The following ZNF134 variants were observed in gnomAD, a reference collection of about 807,000 sequenced individuals.
ZNF134 encodes the protein zinc finger protein 134.
In ZNF134, 5 loss-of-function variants were observed where a neutral mutation model predicts 2.5. The observed-to-expected ratio is 2.03, with a 90% confidence interval of 1.06 to 4.27. The LOEUF (loss-of-function observed/expected upper bound fraction) is 4.27, where lower values mean the gene tolerates loss of function less well. Ranked by LOEUF, ZNF134 falls within the 30% of genes most tolerant of loss-of-function variation. ZNF134 has a pLI of 0.00. For missense variants in ZNF134, 540 were observed against 517.5 expected (o/e 1.04, Z -0.42); for synonymous variants, 176 against 176.2 (o/e 1.00, Z 0.01).
chr19:57,617,860 C>T (rs942665226), intron 1 of ZNF134, among the ~76,000 whole-genome samples: 7 of 152,098 alleles, frequency 4.6e-5, no homozygotes, highest in Non-Finnish European at 8.8e-5. Context: ...AGGCAGGTGG[C>T]AAAGCGTTCC....
In ZNF134 at chr19:57,621,013, A is replaced by G. The variant is rs767966323; in HGVS notation, c.894A>G (p.Arg298=). ...YKCSDCGKVF[R]HKSTLVQHES... ...GCAGTGATTGTGGGAAAGTCTTCAGACACAAATCTACACTTGTTCAGCATG... is the reference window on the plus strand; with the variant it reads ...GCAGTGATTGTGGGAAAGTCTTCAGGCACAAATCTACACTTGTTCAGCATG... Residue 298 remains arginine (R), a synonymous_variant, in exon 3 of 3, where the codon AGA becomes AGG. Coordinates refer to ENST00000396161, the MANE Select transcript of ZNF134 (RefSeq NM_003435.5). The G allele has an allele frequency of 6.2e-6, 10 of 1,614,014 alleles. No homozygotes were observed. In the South Asian group the frequency reaches 1.1e-4, roughly 18 times the overall value.
rs992653242 is a variant in ZNF134, at chr19:57,623,957, G to C, written c.*2554G>C. The C allele has an allele frequency of 3.9e-5, 6 of 152,186 alleles. No individual in the cohort carries two copies. The highest frequency in any genetic ancestry group is 7.3e-5 in the Non-Finnish European group (5 of 68,034). 9.4% of individuals were successfully genotyped at this position (152,186 alleles called of 1,614,324 possible). A position where few individuals can be genotyped will look rare whatever the true frequency, so the allele number is the denominator to read the frequency against. ...GAAAGTATGAAGTTAAAGGGTGTAG[G>C]CATGTAAAGTGTGAAGTTAAAGGTT... On this transcript the variant is annotated 3_prime_UTR_variant, in exon 3 of 3. Transcript: ENST00000396161.
Position 57,622,808 on chromosome 19 carries a change from A to G in ZNF134, c.*1405A>G, listed in dbSNP as rs1288154312. ...GTGATAAGAGTCACCATAGTGAGGT[A>G]GAGTCACTCTTAGTGATGTCCAGTT... On this transcript the variant is annotated 3_prime_UTR_variant, in exon 3 of 3. Coordinates refer to ENST00000396161, the MANE Select transcript of ZNF134 (RefSeq NM_003435.5). The G allele has an allele frequency of 6.6e-6, 1 of 152,190 alleles. No individual in the cohort carries two copies. Among genetic ancestry groups the G allele is most frequent in the East Asian group, 1.9e-4 (1 of 5,200 alleles). 9.4% of individuals were successfully genotyped at this position (152,190 alleles called of 1,614,324 possible).
chr19:57,622,992 CA>C lies in ZNF134; in HGVS notation c.*1590del, dbSNP rs1981272485. Reference sequence around the variant, plus strand: ...ACACACACACACACACACACACACACACACTTGAAACTATCACCCTATCAGT... The same window carrying C: ...ACACACACACACACACACACACACACCACTTGAAACTATCACCCTATCAGT... On this transcript the variant is annotated 3_prime_UTR_variant, in exon 3 of 3. Transcript: ENST00000396161. 1 of 145,216 alleles carries C rather than the reference CA, an allele frequency of 6.9e-6. No homozygotes were observed. Among genetic ancestry groups the C allele is most frequent in the South Asian group, 2.2e-4 (1 of 4,576 alleles). 9.0% of individuals were successfully genotyped at this position (145,216 alleles called of 1,614,324 possible). A position where few individuals can be genotyped will look rare whatever the true frequency, so the allele number is the denominator to read the frequency against.
At position 57,622,636 on chromosome 19, in the gene ZNF134, G is replaced by A. The variant is rs149674382; in HGVS notation, c.*1233G>A. The stretch of plus-strand genomic sequence containing the variant: ...TACCTAATGTCTTTGCGGCACAGGC[G>A]GTAACCCTGGGAGTAAAGAGGTGTG... On this transcript the variant is annotated 3_prime_UTR_variant, in exon 3 of 3. Transcript: ENST00000396161. 152 of 152,246 alleles carry A rather than the reference G, an allele frequency of 1.0e-3. No individual in the cohort carries two copies. The highest frequency in any genetic ancestry group is 3.4e-3 in the African/African-American group (143 of 41,526). 9.4% of individuals were successfully genotyped at this position (152,246 alleles called of 1,614,324 possible). A position where few individuals can be genotyped will look rare whatever the true frequency, so the allele number is the denominator to read the frequency against.
At position 57,620,701 on chromosome 19, in the gene ZNF134, C is replaced by G. The variant is rs962438295; in HGVS notation, c.582C>G (p.His194Gln). The G allele has an allele frequency of 1.2e-6, 2 of 1,611,110 alleles. No individual in the cohort carries two copies. The highest frequency in any genetic ancestry group is 2.7e-5 in the African/African-American group (2 of 74,940). The change falls in exon 3 of 3, where the codon CAC becomes CAG. Residue 194 changes from histidine to glutamine, a missense_variant. Coordinates refer to ENST00000396161, the MANE Select transcript of ZNF134 (RefSeq NM_003435.5). ...AFSRKDTLVQ[H>Q]QRIHSGEKPY... ...GCCGCAAAGACACACTTGTCCAGCA[C>G]CAGAGAATTCATAGTGGAGAGAAGC...
chr19:57,621,342 C>T lies in ZNF134; in HGVS notation c.1223C>T (p.Ala408Val), dbSNP rs1196103935. 1 of 1,613,982 alleles carries T rather than the reference C, an allele frequency of 6.2e-7. No homozygotes were observed. The highest frequency in any genetic ancestry group is 8.5e-7 in the Non-Finnish European group (1 of 1,180,040). Residue 408 changes from alanine to valine, a missense_variant, in exon 3 of 3, where the codon GCC (alanine) becomes GTC (valine). Coordinates refer to ENST00000396161, the MANE Select transcript of ZNF134 (RefSeq NM_003435.5). ...RPYECSECGK[A>V]YSLSSHLNRH... The stretch of plus-strand genomic sequence containing the variant: ...TATGAGTGCAGTGAATGTGGGAAGG[C>T]CTACAGCTTAAGCTCCCACCTCAAT...
In ZNF134 at chr19:57,620,829, G is replaced by A; in HGVS notation, c.710G>A (p.Cys237Tyr). ...TGERPYECSE[C>Y]GKTFSRKDNL... ...GAAAGGCCTTATGAATGCAGCGAAT[G>A]TGGAAAAACCTTCAGTCGAAAAGAC... The change falls in exon 3 of 3, where the codon TGT becomes TAT. Residue 237 changes from cysteine (C) to tyrosine (Y), a missense_variant. Transcript: ENST00000396161. 1 of 1,614,240 alleles carries A rather than the reference G, an allele frequency of 6.2e-7. No homozygotes were observed. Among genetic ancestry groups the A allele is most frequent in the Non-Finnish European group, 8.5e-7 (1 of 1,180,044 alleles).
chr19:57,615,045 T>G (rs1196723156), intron 1 of ZNF134, among the ~76,000 whole-genome samples: 6 of 152,036 alleles, frequency 3.9e-5, no homozygotes, highest in African/African-American at 1.4e-4. Context: ...GCATCAGATG[T>G]GGTCGTGAGT....
chr19:57,618,560 T>G (rs1208940872), intron 1 of ZNF134, among the ~76,000 whole-genome samples: 1 of 152,114 alleles, frequency 6.6e-6, no homozygotes, highest in African/African-American at 2.4e-5. Flanking sequence ...AAGGGTTGGG[T>G]CCTACATACC....
chr19:57,614,864 AG>A (rs150648759), intron 1 of ZNF134, among the ~76,000 whole-genome samples: 2,341 of 152,224 alleles, frequency 0.015, 32 homozygotes, highest in Non-Finnish European at 0.023. Flanking sequence ...GACTACAGTG[AG>A]GTAGAAACGA....
At position 57,623,601 on chromosome 19, in the gene ZNF134, G is replaced by A. The variant is rs1394477256; in HGVS notation, c.*2198G>A. 2 of 152,016 alleles carry A rather than the reference G, an allele frequency of 1.3e-5. No individual in the cohort carries two copies. Among genetic ancestry groups the A allele is most frequent in the Admixed American group, 6.6e-5 (1 of 15,252 alleles). 9.4% of individuals were successfully genotyped at this position (152,016 alleles called of 1,614,324 possible). A position where few individuals can be genotyped will look rare whatever the true frequency, so the allele number is the denominator to read the frequency against. On this transcript the variant is annotated 3_prime_UTR_variant, in exon 3 of 3. Transcript: ENST00000396161. ...AGATTCATTGTTAGGAAAGATAGATGTTTTAGAGAGAGAGATGTTTTAGAG... is the reference window on the plus strand; with the variant it reads ...AGATTCATTGTTAGGAAAGATAGATATTTTAGAGAGAGAGATGTTTTAGAG...
At chr19:57,615,981 G>A (rs548259750) in intron 1 of ZNF134, among the ~76,000 whole-genome samples, 1 of 152,374 alleles carries the variant, frequency 6.6e-6, no homozygotes, top group South Asian at 2.1e-4. Flanking sequence ...ATCTTATAGT[G>A]TCAGCAAGAG....
In ZNF134 at chr19:57,620,295, T is replaced by G. The variant is rs1260555761; in HGVS notation, c.176T>G (p.Leu59Trp). 1.9e-6 allele frequency: 3 copies of G among 1,614,072 alleles called. No homozygotes were observed. In the African/African-American group the frequency reaches 4.0e-5, roughly 22 times the overall value. ...CCTTGTGACATATGTGGCCCCATCTTGAAAGATATTTTGCACCTGGATGAA... is the reference window on the plus strand; with the variant it reads ...CCTTGTGACATATGTGGCCCCATCTGGAAAGATATTTTGCACCTGGATGAA... ...ALPCDICGPI[L>W]KDILHLDEHQ... is the part of the protein sequence containing the mutation. Residue 59 changes from leucine (L) to tryptophan (W), a missense_variant, in exon 3 of 3, where the codon TTG (leucine) becomes TGG (tryptophan). Physicochemically the swap from Leu to Trp is moderately conservative, Grantham distance 61 (BLOSUM62 -2). Coordinates refer to ENST00000396161, the MANE Select transcript of ZNF134 (RefSeq NM_003435.5).
chr19:57,621,597 C>T lies in ZNF134; in HGVS notation c.*194C>T, dbSNP rs1981224121. The stretch of plus-strand genomic sequence containing the variant: ...CCATGTGGCCGAAACCATCTTAACT[C>T]TACCAGCTAAGATACCCCAGCATTG... On this transcript the variant is annotated 3_prime_UTR_variant, in exon 3 of 3. Transcript: ENST00000396161. The T allele has an allele frequency of 2.3e-6, 2 of 869,496 alleles. No homozygotes were observed. The highest frequency in any genetic ancestry group is 1.9e-6 in the Non-Finnish European group (1 of 516,046). 53.9% of individuals were successfully genotyped at this position (869,496 alleles called of 1,614,324 possible).
chr19:57,615,676 G>A (rs57106597), intron 1 of ZNF134, among the ~76,000 whole-genome samples: 10,113 of 152,158 alleles, frequency 0.066, 482 homozygotes, highest in East Asian at 0.16. Context: ...GGCTGGGGTC[G>A]GACCGCTTAA....
chr19:57,615,121 G>A (rs969051246), intron 1 of ZNF134, among the ~76,000 whole-genome samples: 2 of 152,170 alleles, frequency 1.3e-5, no homozygotes, highest in African/African-American at 4.8e-5. Flanking sequence ...ACGTGTGAAA[G>A]AATGGAAATT....
intron 1 of ZNF134, among the ~76,000 whole-genome samples, chr19:57,616,922 G>A (rs1981067017): frequency 6.6e-6 from 1 of 152,178 alleles, no homozygotes; most frequent in African/African-American, 2.4e-5. Context: ...TGGAGGTCCT[G>A]CAGTCACCCA....
intron 1 of ZNF134, among the ~76,000 whole-genome samples, chr19:57,619,187 C>T (rs558209245): frequency 6.6e-6 from 1 of 152,270 alleles, no homozygotes; most frequent in South Asian, 2.1e-4. Context: ...CCTCTGGACT[C>T]CAGGCTCCAC....
Sources: allele counts gnomAD v4.1 joint callset (sites outside exome capture counted in the v4.1 genomes callset), GRCh38; gene constraint gnomAD v4.1.1; transcripts MANE v1.5; gene names NCBI Gene and HGNC (gene_info 2026-07-23, HGNC 2026-07-21).